Variants in RALGPS1 observed in about 807,000 individuals in gnomAD.
RALGPS1 encodes ras-specific guanine nucleotide-releasing factor RalGPS1.
A neutral mutation model predicts 78.8 loss-of-function variants in RALGPS1; 19 were observed. The ratio of observed to expected loss-of-function variants is 0.24; its 90% CI spans 0.17 to 0.35. The LOEUF is 0.35. Ranked by LOEUF, RALGPS1 falls within the 10% of genes least tolerant of loss-of-function variation. The pLI is 1.00. For missense variants in RALGPS1, 454 were observed against 688.3 expected (o/e 0.66, Z 3.81); for synonymous variants, 228 against 256.3 (o/e 0.89, Z 1.06).
chr9:127,044,872 C>G (rs1307990695), intron 5 of RALGPS1, among the ~76,000 whole-genome samples: 2 of 152,190 alleles, frequency 1.3e-5, no homozygotes, highest in African/African-American at 4.8e-5. Context: ...TTTTCTTCCT[C>G]CTCCTGAATC....
intron 8 of RALGPS1, among the ~76,000 whole-genome samples, chr9:127,075,903 A>G (rs938865418): frequency 1.3e-5 from 2 of 152,244 alleles, no homozygotes; most frequent in Non-Finnish European, 2.9e-5. Flanking sequence ...ATGTAGTACT[A>G]GCCTTTGTTA....
In RALGPS1 at chr9:127,195,006, C is replaced by T. The variant is rs113224923; in HGVS notation, c.911-85C>T. The T allele has an allele frequency of 4.6e-6, 7 of 1,532,670 alleles. No homozygotes were observed. In the African/African-American group the frequency reaches 5.5e-5, roughly 12 times the overall value. The allele number at this position is 1,532,670 out of a possible 1,614,324, so 94.9% of individuals were successfully genotyped here. A position where few individuals can be genotyped will look rare whatever the true frequency, so the allele number is the denominator to read the frequency against. ...AGTTGCTGTACTTCAAACCCGGGGC[C>T]CACCTCCACACCTCAACCCAGCCTG... On this transcript the variant is annotated intron_variant, in intron 11 of 18. Coordinates refer to ENST00000259351, the MANE Select transcript of RALGPS1 (RefSeq NM_014636.3).
intron 1 of RALGPS1, among the ~76,000 whole-genome samples, chr9:126,932,657 A>T (rs573656164): frequency 2.0e-5 from 3 of 152,274 alleles, no homozygotes; most frequent in South Asian, 4.1e-4. Flanking sequence ...GACCATACAA[A>T]TCCATTTATA....
chr9:127,060,517 G>A (rs1442188176), intron 7 of RALGPS1, among the ~76,000 whole-genome samples: 1 of 144,646 alleles, frequency 6.9e-6, no homozygotes, highest in Non-Finnish European at 1.6e-5. Context: ...ACCTGTTGTT[G>A]TTGTTGTTGT....
chr9:127,115,465 A>G (rs2055304781), intron 8 of RALGPS1, among the ~76,000 whole-genome samples: 1 of 152,228 alleles, frequency 6.6e-6, no homozygotes, highest in African/African-American at 2.4e-5. Flanking sequence ...TGAGCAACAA[A>G]CTATATGATC....
intron 3 of RALGPS1, among the ~76,000 whole-genome samples, chr9:126,974,536 T>C (rs2040422464): frequency 6.6e-6 from 1 of 151,968 alleles, no homozygotes; most frequent in African/African-American, 2.4e-5. Flanking sequence ...CAAAAAACTT[T>C]TTTTTTTCCT....
intron 3 of RALGPS1, among the ~76,000 whole-genome samples, chr9:126,973,292 C>T (rs767639469): frequency 6.6e-6 from 1 of 152,090 alleles, no homozygotes; most frequent in Non-Finnish European, 1.5e-5. Context: ...TCACTTGAAC[C>T]CAGAATTTTG....
At chr9:126,975,838 G>T (rs1017828303) in intron 3 of RALGPS1, among the ~76,000 whole-genome samples, 4 of 152,192 alleles carry the variant, frequency 2.6e-5, no homozygotes, top group African/African-American at 9.7e-5. Context: ...AGGCGGAAGA[G>T]CTCAGATTCC....
rs528734142 is a variant in RALGPS1, at chr9:127,220,463, ATCT to A, written c.*1699_*1701del. On this transcript the variant is annotated 3_prime_UTR_variant, in exon 19 of 19. Coordinates refer to ENST00000259351, the MANE Select transcript of RALGPS1 (RefSeq NM_014636.3). ...TGAGCCTTACAATGCTTAGTAGTTC[ATCT>A]TCTTTTTGAGCAAAGACTAGAATAC... The A allele has an allele frequency of 2.7e-3, 410 of 152,318 alleles. No individual in the cohort carries two copies. Among genetic ancestry groups the A allele is most frequent in the African/African-American group, 9.3e-3 (387 of 41,560 alleles). 9.4% of individuals were successfully genotyped at this position (152,318 alleles called of 1,614,324 possible). A position where few individuals can be genotyped will look rare whatever the true frequency, so the allele number is the denominator to read the frequency against.
At chr9:127,109,570 A>G (rs1189609924) in intron 8 of RALGPS1, among the ~76,000 whole-genome samples, 1 of 152,200 alleles carries the variant, frequency 6.6e-6, no homozygotes, top group Admixed American at 6.5e-5. Flanking sequence ...GACCACTGCA[A>G]CGTGATTAAG....
chr9:127,059,718 C>T (rs1313723940), intron 7 of RALGPS1, among the ~76,000 whole-genome samples: 1 of 151,960 alleles, frequency 6.6e-6, no homozygotes, highest in Non-Finnish European at 1.5e-5. Flanking sequence ...AACCCTGTTC[C>T]AGCTGTCTGC....
chr9:127,198,832 T>G (rs2061471057), intron 13 of RALGPS1, among the ~76,000 whole-genome samples, 183 bp from the exon 14 acceptor site: 1 of 152,136 alleles, frequency 6.6e-6, no homozygotes, highest in African/African-American at 2.4e-5. Context: ...CAGTGGTTCT[T>G]TGACCCTCCC....
chr9:126,976,317 A>G (rs1053175988), intron 3 of RALGPS1, among the ~76,000 whole-genome samples: 5 of 149,176 alleles, frequency 3.4e-5, no homozygotes, highest in Admixed American at 2.0e-4. Flanking sequence ...TCATTCTCAC[A>G]CACACACACA....
At chr9:126,958,470 C>A (rs948536082) in intron 1 of RALGPS1, among the ~76,000 whole-genome samples, 1 of 152,180 alleles carries the variant, frequency 6.6e-6, no homozygotes, top group South Asian at 2.1e-4. Flanking sequence ...GCACTTTTGT[C>A]GCTCTAAATT....
Position 126,940,416 on chromosome 9 carries a change from T to A in RALGPS1, c.-65-21809T>A, listed in dbSNP as rs193203950. Among the ~76,000 whole-genome samples the A allele has an allele frequency of 2.6e-5, 4 of 151,470 alleles. No homozygotes were observed. In the South Asian group the frequency reaches 8.3e-4, roughly 32 times the overall value. ...TGTACTTTTCTTCAGTCCCTGTCCATTGGGCAGGTGTATGTATATATATAA... is the reference window on the plus strand; with the variant it reads ...TGTACTTTTCTTCAGTCCCTGTCCAATGGGCAGGTGTATGTATATATATAA... On this transcript the variant is annotated intron_variant, in intron 1 of 18. Transcript: ENST00000259351.
At chr9:127,176,878 C>G (rs115307349) in intron 11 of RALGPS1, among the ~76,000 whole-genome samples, 6 of 152,196 alleles carry the variant, frequency 3.9e-5, no homozygotes, top group African/African-American at 1.4e-4. Context: ...ACAGGCCACA[C>G]CCTAGCCTCA....
At chr9:127,073,045 G>A (rs888200987) in intron 8 of RALGPS1, among the ~76,000 whole-genome samples, 12 of 152,126 alleles carry the variant, frequency 7.9e-5, no homozygotes, top group African/African-American at 2.4e-4. Context: ...GTATTTGGGG[G>A]TATCCAGCAC....
At chr9:126,943,106 C>T (rs2036935765) in intron 1 of RALGPS1, among the ~76,000 whole-genome samples, 1 of 151,956 alleles carries the variant, frequency 6.6e-6, no homozygotes, top group African/African-American at 2.4e-5. Flanking sequence ...TTGATGTCAT[C>T]CTTTTCTGTA....
At chr9:127,147,463 A>C (rs2058157943) in intron 8 of RALGPS1, among the ~76,000 whole-genome samples, 1 of 152,204 alleles carries the variant, frequency 6.6e-6, no homozygotes, top group Non-Finnish European at 1.5e-5. Flanking sequence ...GGCTGACGTC[A>C]AGAAGAGTAT....
Sources: gnomAD v4.1 joint callset for allele counts (sites outside exome capture counted in the v4.1 genomes callset) on GRCh38, gnomAD v4.1.1 for gene constraint, MANE v1.5 for transcripts, NCBI Gene and HGNC (gene_info 2026-07-23, HGNC 2026-07-21) for gene names.